FBXO48: variants seen among roughly 807,000 people sequenced by gnomAD.
The protein encoded by FBXO48 is F-box protein 48, also known as F-box only protein 48.
A neutral mutation model predicts 14.3 loss-of-function variants in FBXO48; 12 were observed. The ratio of observed to expected loss-of-function variants is 0.84; its 90% CI spans 0.54 to 1.36. The LOEUF (loss-of-function observed/expected upper bound fraction) is 1.36. Ranked by LOEUF, FBXO48 falls within the 40% of genes most tolerant of loss-of-function variation. The pLI is 0.00. For missense variants in FBXO48, 177 were observed against 179.1 expected, an observed-to-expected ratio of 0.99 and a Z score of 0.07; for synonymous variants, 53 against 61.7, an observed-to-expected ratio of 0.86 and a Z score of 0.66.
Position 68,463,201 on chromosome 2 carries a change from C to T in FBXO48, c.*1008G>A, listed in dbSNP as rs1367545351. On this transcript the variant is annotated 3_prime_UTR_variant, in exon 4 of 4. Transcript: ENST00000377957. Reference sequence around the variant, plus strand: ...AGAGAACAGTTTTTAAGAAGAAAACCCCACACTAACTAAAGCAGTTTGTAG... The same window carrying T: ...AGAGAACAGTTTTTAAGAAGAAAACTCCACACTAACTAAAGCAGTTTGTAG... The T allele has an allele frequency of 6.6e-6, 1 of 151,826 alleles. No individual in the cohort carries two copies. 9.4% of individuals were successfully genotyped at this position (151,826 alleles called of 1,614,324 possible). A position where few individuals can be genotyped will look rare whatever the true frequency, so the allele number is the denominator to read the frequency against.
At position 68,459,646 on chromosome 2, in the gene FBXO48, AAAAT is replaced by A. The variant is rs1462482981; in HGVS notation, c.*4559_*4562del. The A allele has an allele frequency of 6.6e-6, 1 of 152,144 alleles. No individual in the cohort carries two copies. Among genetic ancestry groups the A allele is most frequent in the African/African-American group, 2.4e-5 (1 of 41,422 alleles). The allele number at this position is 152,144 out of a possible 1,614,324, so 9.4% of individuals were successfully genotyped here. The stretch of plus-strand genomic sequence containing the variant: ...ATTTTTATACATTCTGTGTAGGATT[AAAAT>A]AAATAACTATAGAAATAATTTAACA... On this transcript the variant is annotated 3_prime_UTR_variant, in exon 4 of 4. Transcript: ENST00000377957.
Position 68,463,938 on chromosome 2 carries a change from T to A in FBXO48, c.*271A>T. 6.9e-6 allele frequency: 2 copies of A among 288,588 alleles called. No homozygotes were observed. The highest frequency in any genetic ancestry group is 1.3e-5 in the Non-Finnish European group (2 of 150,770). The allele number at this position is 288,588 out of a possible 1,614,324, so 17.9% of individuals were successfully genotyped here. A position where few individuals can be genotyped will look rare whatever the true frequency, so the allele number is the denominator to read the frequency against. On this transcript the variant is annotated 3_prime_UTR_variant, in exon 4 of 4. Transcript: ENST00000377957. ...AGTATTGCAAATATATTAACACAAATACATGAAACATTGTATTTGGAAATC... is the reference window on the plus strand; with the variant it reads ...AGTATTGCAAATATATTAACACAAAAACATGAAACATTGTATTTGGAAATC...
At chr2:68,465,672 A>G (rs1675388455) in intron 2 of FBXO48, among the ~76,000 whole-genome samples, 1 of 152,108 alleles carries the variant, frequency 6.6e-6, no homozygotes, top group Admixed American at 6.5e-5. Context: ...GATGACAGGT[A>G]TGAGCCACCA....
In FBXO48 at chr2:68,460,704, G is replaced by A. The variant is rs574567841; in HGVS notation, c.*3505C>T. On this transcript the variant is annotated 3_prime_UTR_variant, in exon 4 of 4. Coordinates refer to ENST00000377957, the MANE Select transcript of FBXO48 (RefSeq NM_001024680.3). The stretch of plus-strand genomic sequence containing the variant: ...AGGAGTTGTAGATGGGATCACCAAG[G>A]ATGTTAGAGTATAGAGACGAGATGA... 5 of 152,268 alleles carry A rather than the reference G, an allele frequency of 3.3e-5. No homozygotes were observed. The East Asian group carries it at 9.6e-4, about 29-fold the overall frequency. The allele number at this position is 152,268 out of a possible 1,614,324, so 9.4% of individuals were successfully genotyped here. A position where few individuals can be genotyped will look rare whatever the true frequency, so the allele number is the denominator to read the frequency against.
Position 68,462,504 on chromosome 2 carries a change from C to T in FBXO48, c.*1705G>A, listed in dbSNP as rs186428796. On this transcript the variant is annotated 3_prime_UTR_variant, in exon 4 of 4. Transcript: ENST00000377957. ...TCCCAAGTAGCTGGGATTACAGGCA[C>T]CTGCCACCACGCCCGGCTAATTTTT... is the stretch of plus-strand genomic sequence containing the variant. 6.0e-3 allele frequency: 913 copies of T among 152,506 alleles called. 9 individuals carry two copies. The highest frequency in any genetic ancestry group is 0.045 in the South Asian group (219 of 4,828). 9.4% of individuals were successfully genotyped at this position (152,506 alleles called of 1,614,324 possible).
Position 68,461,941 on chromosome 2 carries a change from CAG to C in FBXO48, c.*2266_*2267del, listed in dbSNP as rs1558519694. ...ATCCTGGCTGCTCGGGAGGCTGACA[CAG>C]AGAGTTGCTTGAACCTGGGAGGTGG... is the stretch of plus-strand genomic sequence containing the variant. On this transcript the variant is annotated 3_prime_UTR_variant, in exon 4 of 4. Coordinates refer to ENST00000377957, the MANE Select transcript of FBXO48 (RefSeq NM_001024680.3). 3.3e-5 allele frequency: 5 copies of C among 151,906 alleles called. No individual in the cohort carries two copies. Among genetic ancestry groups the C allele is most frequent in the African/African-American group, 1.2e-4 (5 of 41,320 alleles). 9.4% of individuals were successfully genotyped at this position (151,906 alleles called of 1,614,324 possible).
At position 68,464,163 on chromosome 2, in the gene FBXO48, A is replaced by C; in HGVS notation, c.*46T>G. The C allele has an allele frequency of 6.4e-7, 1 of 1,573,470 alleles. No homozygotes were observed. The highest frequency in any genetic ancestry group is 8.7e-7 in the Non-Finnish European group (1 of 1,147,870). ...CGCTTTTGCAACCTAAGAGTCATTTAAGTTTTAAACTTTCAAAGACCTGAG... is the reference window on the plus strand; with the variant it reads ...CGCTTTTGCAACCTAAGAGTCATTTCAGTTTTAAACTTTCAAAGACCTGAG... On this transcript the variant is annotated 3_prime_UTR_variant, in exon 4 of 4. Transcript: ENST00000377957.
Position 68,463,932 on chromosome 2 carries a change from C to A in FBXO48, c.*277G>T. ...ACATTTAGTATTGCAAATATATTAA[C>A]ACAAATACATGAAACATTGTATTTG... is the stretch of plus-strand genomic sequence containing the variant. On this transcript the variant is annotated 3_prime_UTR_variant, in exon 4 of 4. Coordinates refer to ENST00000377957, the MANE Select transcript of FBXO48 (RefSeq NM_001024680.3). 7.4e-6 allele frequency: 2 copies of A among 270,770 alleles called. No individual in the cohort carries two copies. Among genetic ancestry groups the A allele is most frequent in the Non-Finnish European group, 1.4e-5 (2 of 139,704 alleles). The allele number at this position is 270,770 out of a possible 1,614,324, so 16.8% of individuals were successfully genotyped here. A position where few individuals can be genotyped will look rare whatever the true frequency, so the allele number is the denominator to read the frequency against.
At position 68,465,065 on chromosome 2, in the gene FBXO48, T is replaced by C. The variant is rs1233417791; in HGVS notation, c.81A>G (p.Lys27=). The C allele has an allele frequency of 1.2e-6, 2 of 1,613,948 alleles. No individual in the cohort carries two copies. The highest frequency in any genetic ancestry group is 1.7e-6 in the Non-Finnish European group (2 of 1,179,994). ...EANSVDAEKE[K]NESQNNFFEL... ...CAAAAAAGTTGTTTTGACTCTCATT[T>C]TTTTCCTTCTCAGCATCCACAGAGT... Residue 27 remains lysine, a synonymous_variant, in exon 3 of 4, where the codon AAA becomes AAG. Transcript: ENST00000377957.
chr2:68,460,624 C>G lies in FBXO48; in HGVS notation c.*3585G>C, dbSNP rs537781902. 6.6e-6 allele frequency: 1 copy of G among 152,010 alleles called. No individual in the cohort carries two copies. Among genetic ancestry groups the G allele is most frequent in the Non-Finnish European group, 1.5e-5 (1 of 67,974 alleles). The allele number at this position is 152,010 out of a possible 1,614,324, so 9.4% of individuals were successfully genotyped here. On this transcript the variant is annotated 3_prime_UTR_variant, in exon 4 of 4. Coordinates refer to ENST00000377957, the MANE Select transcript of FBXO48 (RefSeq NM_001024680.3). ...TATTTCTGGAACATCTCATGGAGAT[C>G]TGATGTTGGGACACGGACATAGACG...
At chr2:68,464,767 G>C (rs1675355233) in intron 3 of FBXO48, 73 bp downstream of exon 3, 2 of 1,107,702 alleles carry the variant, frequency 1.8e-6, no homozygotes, top group African/African-American at 1.6e-5. Flanking sequence ...CCTCCAAGCA[G>C]AAGTTAGAAT....
rs1162935971 is a variant in FBXO48 at position 68,464,946 on chromosome 2, T to A, written c.200A>T (p.Asp67Val). Residue 67 changes from aspartate to valine, a missense_variant, in exon 3 of 4, where the codon GAC (aspartate) becomes GTC (valine). Coordinates refer to ENST00000377957, the MANE Select transcript of FBXO48 (RefSeq NM_001024680.3). The stretch of plus-strand genomic sequence containing the variant: ...TAAAGAGTCACTGTTTCTTATTGTG[T>A]CATTCCAGCTCCTGCATGTCAATGA... Reference protein sequence around the residue: ...RASLTCRSWNDTIRNSDSLWK... With the variant: ...RASLTCRSWNVTIRNSDSLWK... 6.2e-7 allele frequency: 1 copy of A among 1,613,988 alleles called. No homozygotes were observed. The highest frequency in any genetic ancestry group is 1.7e-5 in the Admixed American group (1 of 60,032).
At chr2:68,467,068 G>A (rs1055944566) in intron 1 of FBXO48, 143 bp downstream of exon 1, 5 of 152,180 alleles carry the variant, frequency 3.3e-5, no homozygotes, top group Non-Finnish European at 7.3e-5. Flanking sequence ...AAGAACACAG[G>A]GCACTGACAA....
chr2:68,459,973 A>C lies in FBXO48; in HGVS notation c.*4236T>G, dbSNP rs1174697685. The C allele has an allele frequency of 6.6e-6, 1 of 152,252 alleles. No individual in the cohort carries two copies. The highest frequency in any genetic ancestry group is 1.5e-5 in the Non-Finnish European group (1 of 68,050). 9.4% of individuals were successfully genotyped at this position (152,252 alleles called of 1,614,324 possible). On this transcript the variant is annotated 3_prime_UTR_variant, in exon 4 of 4. Coordinates refer to ENST00000377957, the MANE Select transcript of FBXO48 (RefSeq NM_001024680.3). ...TGGTGGGGATTACTCCAGGTATATC[A>C]AACAGCCTGTGCAAAGGCAGAGAAG...
At position 68,464,150 on chromosome 2, in the gene FBXO48, C is replaced by G; in HGVS notation, c.*59G>C. On this transcript the variant is annotated 3_prime_UTR_variant, in exon 4 of 4. Coordinates refer to ENST00000377957, the MANE Select transcript of FBXO48 (RefSeq NM_001024680.3). The stretch of plus-strand genomic sequence containing the variant: ...CGAATAAAGATATCGCTTTTGCAAC[C>G]TAAGAGTCATTTAAGTTTTAAACTT... 1 of 1,503,534 alleles carries G rather than the reference C, an allele frequency of 6.7e-7. No individual in the cohort carries two copies. Among genetic ancestry groups the G allele is most frequent in the Non-Finnish European group, 9.2e-7 (1 of 1,087,372 alleles). 93.1% of individuals were successfully genotyped at this position (1,503,534 alleles called of 1,614,324 possible).
Position 68,464,193 on chromosome 2 carries a change from G to C in FBXO48, c.*16C>G, listed in dbSNP as rs750299942. 6 of 1,609,804 alleles carry C rather than the reference G, an allele frequency of 3.7e-6. No homozygotes were observed. In the South Asian group the frequency reaches 6.6e-5, roughly 18 times the overall value. ...TTAAACTTTCAAAGACCTGAGATTT[G>C]TGATTTTTTTTCCCCTTATCTTTCC... On this transcript the variant is annotated 3_prime_UTR_variant, in exon 4 of 4. Coordinates refer to ENST00000377957, the MANE Select transcript of FBXO48 (RefSeq NM_001024680.3).
chr2:68,461,287 C>CTTTTCTT lies in FBXO48; in HGVS notation c.*2921_*2922insAAGAAAA, dbSNP rs1465266235. On this transcript the variant is annotated 3_prime_UTR_variant, in exon 4 of 4. Transcript: ENST00000377957. The stretch of plus-strand genomic sequence containing the variant: ...CTTACTTAAGATCCGTTTTCGTTTT[C>CTTTTCTT]TTTTTTTTTTTTTTTTTTTTGAGAC... 42 of 119,638 alleles carry CTTTTCTT rather than the reference C, an allele frequency of 3.5e-4. No individual in the cohort carries two copies. The highest frequency in any genetic ancestry group is 1.5e-3 in the African/African-American group (41 of 26,642). 7.4% of individuals were successfully genotyped at this position (119,638 alleles called of 1,614,324 possible). A position where few individuals can be genotyped will look rare whatever the true frequency, so the allele number is the denominator to read the frequency against.
Position 68,464,869 on chromosome 2 carries a change from C to A in FBXO48, c.277G>T (p.Asp93Tyr). The change falls in exon 3 of 4, where the codon GAT becomes TAT. Residue 93 changes from aspartate to tyrosine, a missense_variant. Physicochemically the swap from Asp to Tyr is radical, Grantham distance 160. Coordinates refer to ENST00000377957, the MANE Select transcript of FBXO48 (RefSeq NM_001024680.3). ...VRAVCRREID[D>Y]DLESGYSWRV... The stretch of plus-strand genomic sequence containing the variant: ...CAGGAATAACCACTTTCTAGATCAT[C>A]ATCTATTTCTCTTCGGCACACAGCT... 1 of 1,612,784 alleles carries A rather than the reference C, an allele frequency of 6.2e-7. No individual in the cohort carries two copies. Among genetic ancestry groups the A allele is most frequent in the Non-Finnish European group, 8.5e-7 (1 of 1,179,590 alleles).
intron 1 of FBXO48, 77 bp from the exon 2 acceptor site, chr2:68,466,547 T>C (rs990088797): frequency 2.0e-5 from 3 of 152,166 alleles, no homozygotes; most frequent in African/African-American, 4.8e-5. Flanking sequence ...CCATGCACCT[T>C]GGCCCCTCCC....
Sources: gnomAD v4.1 joint callset for allele counts (sites outside exome capture counted in the v4.1 genomes callset) on GRCh38, gnomAD v4.1.1 for gene constraint, MANE v1.5 for transcripts, NCBI Gene and HGNC (gene_info 2026-07-23, HGNC 2026-07-21) for gene names.